The following GDPD5 variants were observed in gnomAD, a reference collection of about 807,000 sequenced individuals.
GDPD5 encodes glycerophosphodiester phosphodiesterase domain containing 5.
Under a neutral mutation model 75.1 loss-of-function variants are expected in GDPD5, and 48 were observed. The ratio of observed to expected loss-of-function variants is 0.64; its 90% CI spans 0.51 to 0.81. The LOEUF (loss-of-function observed/expected upper bound fraction) is 0.81. Among genes scored for constraint, GDPD5 ranks in the 40% least tolerant of loss-of-function variants. The probability of loss-of-function intolerance (pLI) is 0.00; values close to 1 mark genes in which losing one functional copy is unlikely to be tolerated. For missense variants in GDPD5, 706 were observed against 822.6 expected (o/e 0.86, Z 1.73); for synonymous variants, 336 against 339.0 (o/e 0.99, Z 0.10).
chr11:75,492,902 G>T (rs1160573690), intron 1 of GDPD5, among the ~76,000 whole-genome samples: 2 of 151,918 alleles, frequency 1.3e-5, no homozygotes, highest in East Asian at 3.9e-4. Flanking sequence ...GCTAATTTTT[G>T]TATTTTTAGT....
At chr11:75,524,160 G>T (rs1275313724) in intron 1 of GDPD5, among the ~76,000 whole-genome samples, 1 of 152,230 alleles carries the variant, frequency 6.6e-6, no homozygotes, top group African/African-American at 2.4e-5. Context: ...CCTTGAGCAG[G>T]TCCCTTCCTT....
chr11:75,501,568 G>GGGCTCCA (rs1158552553), intron 1 of GDPD5, among the ~76,000 whole-genome samples: 1 of 152,168 alleles, frequency 6.6e-6, no homozygotes, highest in Non-Finnish European at 1.5e-5. Flanking sequence ...GGCTGGGCCA[G>GGGCTCCA]GGCTCCAGGC....
intron 6 of GDPD5, chr11:75,452,992 C>T (rs1238959396): frequency 6.6e-6 from 1 of 152,264 alleles, no homozygotes; most frequent in East Asian, 1.9e-4. Flanking sequence ...TGAGCTGTGA[C>T]CAAAACACCT....
intron 2 of GDPD5, among the ~76,000 whole-genome samples, chr11:75,486,188 G>A (rs1265320461): frequency 1.3e-5 from 2 of 152,170 alleles, no homozygotes; most frequent in Non-Finnish European, 2.9e-5. Flanking sequence ...GCAAAGCAGA[G>A]AGGGGGCTGC....
chr11:75,465,506 C>T (rs2135310626), intron 3 of GDPD5, among the ~76,000 whole-genome samples: 1 of 152,238 alleles, frequency 6.6e-6, no homozygotes, highest in South Asian at 2.1e-4. Context: ...TACATAAATG[C>T]CTTGAGATCT....
At chr11:75,457,903 G>C (rs1172830692) in intron 4 of GDPD5, 117 bp from the exon 5 acceptor site, 1 of 709,666 alleles carries the variant, frequency 1.4e-6, no homozygotes, top group South Asian at 1.8e-5. Flanking sequence ...ACCAGGCTGT[G>C]CCCACCTAGC....
chr11:75,463,009 C>T lies in GDPD5; in HGVS notation c.118-120G>A. 3.9e-6 allele frequency: 3 copies of T among 759,814 alleles called. No individual in the cohort carries two copies. In the East Asian group the frequency reaches 8.1e-5, roughly 21 times the overall value. The allele number at this position is 759,814 out of a possible 1,614,324, so 47.1% of individuals were successfully genotyped here. On this transcript the variant is annotated intron_variant, in intron 3 of 16. Transcript: ENST00000336898. Reference sequence around the variant, plus strand: ...AGCCAAACCTGCCAGGCAGGAATTCCTGCCCTCTTTACCCTGGGAGAAACT... The same window carrying T: ...AGCCAAACCTGCCAGGCAGGAATTCTTGCCCTCTTTACCCTGGGAGAAACT...
chr11:75,510,634 C>G (rs1950494821), intron 1 of GDPD5, among the ~76,000 whole-genome samples: 1 of 152,162 alleles, frequency 6.6e-6, no homozygotes, highest in Non-Finnish European at 1.5e-5. Flanking sequence ...CCCTTCCCAG[C>G]CACCTGGAGC....
intron 2 of GDPD5, among the ~76,000 whole-genome samples, chr11:75,480,640 G>A (rs1193206898): frequency 6.6e-6 from 1 of 152,150 alleles, no homozygotes; most frequent in African/African-American, 2.4e-5. Flanking sequence ...GAAGCACAGA[G>A]AGGTTGACCC....
chr11:75,481,397 A>G (rs1949915518), intron 2 of GDPD5, among the ~76,000 whole-genome samples: 1 of 152,174 alleles, frequency 6.6e-6, no homozygotes, highest in Non-Finnish European at 1.5e-5. Flanking sequence ...TGCTGGGAAT[A>G]CTGAATGACC....
At chr11:75,453,343 G>A (rs1379727176) in intron 6 of GDPD5, among the ~76,000 whole-genome samples, 1 of 152,154 alleles carries the variant, frequency 6.6e-6, no homozygotes, top group Admixed American at 6.5e-5. Flanking sequence ...TATAGGCCAG[G>A]CATGGTGGAT....
At chr11:75,483,890 G>A (rs1431971344) in intron 2 of GDPD5, among the ~76,000 whole-genome samples, 2 of 152,154 alleles carry the variant, frequency 1.3e-5, no homozygotes, top group South Asian at 4.1e-4. Flanking sequence ...TTTTTGGGCT[G>A]GTGAAAATGT....
At chr11:75,470,916 C>G (rs1203617290) in intron 3 of GDPD5, among the ~76,000 whole-genome samples, 1 of 152,208 alleles carries the variant, frequency 6.6e-6, no homozygotes, top group Non-Finnish European at 1.5e-5. Context: ...GCCCTTTCCC[C>G]CTTGTGCGGG....
chr11:75,515,032 A>C (rs1003989795), intron 1 of GDPD5, among the ~76,000 whole-genome samples: 1 of 152,192 alleles, frequency 6.6e-6, no homozygotes, highest in Non-Finnish European at 1.5e-5. Flanking sequence ...CCAGGATTCC[A>C]AGCCAGAATT....
chr11:75,490,603 C>T (rs1346533565), intron 1 of GDPD5: 1 of 152,584 alleles, frequency 6.6e-6, no homozygotes, highest in Non-Finnish European at 1.5e-5. Context: ...ACCCAGATAA[C>T]CTGTTTCCTG....
chr11:75,525,737 G>A lies in GDPD5; in HGVS notation c.-672C>T, dbSNP rs1941643141. On this transcript the variant is annotated 5_prime_UTR_variant, in exon 1 of 17. Transcript: ENST00000336898. ...GGAGGCGCGGCGGCCGGAGCCCCGC[G>A]GGGAAGTCTTTCCAGGTCCCGACTC... The A allele has an allele frequency of 6.6e-6, 1 of 150,626 alleles. No homozygotes were observed. Among genetic ancestry groups the A allele is most frequent in the Admixed American group, 6.6e-5 (1 of 15,152 alleles). 9.3% of individuals were successfully genotyped at this position (150,626 alleles called of 1,614,324 possible).
At chr11:75,523,074 C>T (rs925528325) in intron 1 of GDPD5, among the ~76,000 whole-genome samples, 1 of 152,206 alleles carries the variant, frequency 6.6e-6, no homozygotes, top group African/African-American at 2.4e-5. Flanking sequence ...CCCAGACTTC[C>T]TGGTCAAACT....
In GDPD5 at chr11:75,448,885, T is replaced by C. The variant is rs1194935410; in HGVS notation, c.714+92A>G. On this transcript the variant is annotated intron_variant, in intron 9 of 16. Transcript: ENST00000336898. ...CCTCCCCTCAAAAAGCTACAAATGG[T>C]TGCTACCATTACATATATCCATTTC... 2.2e-6 allele frequency: 3 copies of C among 1,391,060 alleles called. No individual in the cohort carries two copies. The East Asian group carries it at 8.0e-5, about 37-fold the overall frequency. 86.2% of individuals were successfully genotyped at this position (1,391,060 alleles called of 1,614,324 possible). A position where few individuals can be genotyped will look rare whatever the true frequency, so the allele number is the denominator to read the frequency against.
At chr11:75,445,861 A>C (rs557107314) in intron 9 of GDPD5, among the ~76,000 whole-genome samples, 20 of 152,346 alleles carry the variant, frequency 1.3e-4, no homozygotes, top group African/African-American at 4.8e-4. Flanking sequence ...TAACATTATC[A>C]ACCTCACAGG....
Sources: gnomAD v4.1 joint callset for allele counts (sites outside exome capture counted in the v4.1 genomes callset) on GRCh38, gnomAD v4.1.1 for gene constraint, MANE v1.5 for transcripts, NCBI Gene and HGNC (gene_info 2026-07-23, HGNC 2026-07-21) for gene names.